The following REPS2 variants were observed in gnomAD, a reference collection of about 807,000 sequenced individuals.
The protein encoded by REPS2 is ralBP1-associated Eps domain-containing protein 2.
A neutral mutation model predicts 53.6 loss-of-function variants in REPS2; 23 were observed. That is an observed-to-expected ratio of 0.43 (90% CI 0.31 to 0.61). The LOEUF (loss-of-function observed/expected upper bound fraction) is 0.61. Among genes scored for constraint, REPS2 ranks in the 20% least tolerant of loss-of-function variants. The pLI is 0.11. For synonymous variants in REPS2, 238 were observed against 218.6 expected, an observed-to-expected ratio of 1.09 and a Z score of -0.78; for missense variants, 446 against 534.9, an observed-to-expected ratio of 0.83 and a Z score of 1.64.
chrX:16,978,455 A>G (rs1411999218), intron 1 of REPS2: 1 of 314,000 alleles, frequency 3.2e-6, no homozygotes, highest in Non-Finnish European at 4.2e-6. Context: ...AAATTCTGTC[A>G]GCCTTGGCTG....
At chrX:17,074,238 C>T in intron 12 of REPS2, 79 bp downstream of exon 12, 1 of 924,431 alleles carries the variant, frequency 1.1e-6, no homozygotes, top group Non-Finnish European at 1.6e-6. Flanking sequence ...AACCAAAACC[C>T]AACCCATGAT....
At chrX:17,014,163 C>A (rs1050938532) in intron 2 of REPS2, among the ~76,000 whole-genome samples, 1 of 111,513 alleles carries the variant, frequency 9.0e-6, no homozygotes, top group Non-Finnish European at 1.9e-5. Context: ...AGTGAAGAGC[C>A]CTTCTTCCAG....
At chrX:17,186,473 C>G in the REPS2 span, among the ~76,000 whole-genome samples, 2 of 111,986 alleles carry the variant, frequency 1.8e-5, no homozygotes, top group Admixed American at 1.9e-4. Flanking sequence ...AAAACTGAAG[C>G]CCGAAGTTAT....
rs185383573 is a variant in REPS2, at chrX:17,018,975, A to G, written c.398-3148A>G. On this transcript the variant is annotated intron_variant, in intron 2 of 17. Coordinates refer to ENST00000357277, the MANE Select transcript of REPS2 (RefSeq NM_004726.3). ...TGCCACCATGCCCAGCTGATTTTTT[A>G]TTTTTATTTTTTTAAGAGAAGGGGT... 4.6e-5 allele frequency among the ~76,000 whole-genome samples: 5 copies of G among 108,943 alleles called. No homozygotes were observed. In the East Asian group the frequency reaches 1.5e-3, roughly 32 times the overall value. The allele number at this position is 108,943 out of a possible 115,157, so 94.6% of individuals were successfully genotyped here. A position where few individuals can be genotyped will look rare whatever the true frequency, so the allele number is the denominator to read the frequency against.
At chrX:17,052,041 C>A (rs953884281) in intron 6 of REPS2, among the ~76,000 whole-genome samples, 2 of 112,191 alleles carry the variant, frequency 1.8e-5, no homozygotes, top group African/African-American at 6.5e-5. Flanking sequence ...TATTTGAAAT[C>A]TGCCAAATTT....
chrX:16,951,557 A>ACCCCCCCCCCCCC (rs1432722996), intron 1 of REPS2, among the ~76,000 whole-genome samples: 1 of 22,177 alleles, frequency 4.5e-5, no homozygotes, highest in Non-Finnish European at 1.3e-4. Flanking sequence ...ACACACACAC[A>ACCCCCCCCCCCCC]CACCCCCGCT....
intron 6 of REPS2, among the ~76,000 whole-genome samples, chrX:17,050,887 T>C (rs2061993307): frequency 8.9e-6 from 1 of 111,739 alleles, no homozygotes; most frequent in Non-Finnish European, 1.9e-5. Context: ...TTATTTAAAA[T>C]ATACAATTAA....
intron 14 of REPS2, among the ~76,000 whole-genome samples, chrX:17,131,479 C>G (rs1464273165): frequency 1.8e-5 from 2 of 111,476 alleles, no homozygotes; most frequent in Non-Finnish European, 3.8e-5. Flanking sequence ...ATGAAGTGGG[C>G]ATACTAAGTC....
intron 13 of REPS2, among the ~76,000 whole-genome samples, chrX:17,098,794 A>C (rs776054764): frequency 4.5e-5 from 5 of 111,741 alleles, no homozygotes; most frequent in Non-Finnish European, 9.4e-5. Context: ...GAATGGCTCC[A>C]AAAGTTGTCC....
intron 14 of REPS2, among the ~76,000 whole-genome samples, chrX:17,124,863 T>TC (rs1378456959): frequency 9.4e-6 from 1 of 106,561 alleles, no homozygotes; most frequent in East Asian, 2.9e-4. Flanking sequence ...CTTCTTTTTT[T>TC]TTTTTTTTTT....
intron 5 of REPS2, among the ~76,000 whole-genome samples, chrX:17,040,396 C>T (rs1186387804): frequency 2.7e-5 from 3 of 111,756 alleles, no homozygotes; most frequent in Admixed American, 9.5e-5. Context: ...AGAATTTTTT[C>T]GAATGTTTGT....
intron 2 of REPS2, among the ~76,000 whole-genome samples, chrX:17,007,439 T>C (rs1365683966): frequency 1.8e-5 from 2 of 112,228 alleles, no homozygotes; most frequent in Non-Finnish European, 3.8e-5. Context: ...ACAATCTCAG[T>C]GCCTCAACCA....
chrX:17,024,363 G>GTTTTTTTTTTTTTTTTTTTTTTTTT (rs900082438), intron 3 of REPS2, among the ~76,000 whole-genome samples: 1 of 71,691 alleles, frequency 1.4e-5, no homozygotes, highest in Non-Finnish European at 2.5e-5. Context: ...TACTAGTAAA[G>GTTTTTTTTTTTTTTTTTTTTTTTTT]TTTTTTTTTT....
intron 9 of REPS2, among the ~76,000 whole-genome samples, chrX:17,067,897 C>G (rs2062246519): frequency 1.8e-5 from 2 of 111,759 alleles, no homozygotes; most frequent in Non-Finnish European, 3.8e-5. Flanking sequence ...CATTTTTTTC[C>G]TCTGTGTATG....
At chrX:17,021,701 T>C (rs754140713) in intron 2 of REPS2, among the ~76,000 whole-genome samples, 1 of 112,744 alleles carries the variant, frequency 8.9e-6, no homozygotes, top group African/African-American at 3.2e-5. Flanking sequence ...AGTTTTATCA[T>C]ACAGAGTTGT....
chrX:17,022,039 T>G (rs1309114227), intron 2 of REPS2, 84 bp from the exon 3 acceptor site: 1 of 865,387 alleles, frequency 1.2e-6, no homozygotes, highest in African/African-American at 2.0e-5. Flanking sequence ...TCAAAAATGA[T>G]TCATCGTTTG....
At chrX:17,042,542 T>C (rs1269772509) in intron 5 of REPS2, among the ~76,000 whole-genome samples, 1 of 111,346 alleles carries the variant, frequency 9.0e-6, no homozygotes, top group Non-Finnish European at 1.9e-5. Flanking sequence ...ACTCATAGGC[T>C]TCCTTTCACA....
the REPS2 span, among the ~76,000 whole-genome samples, chrX:17,163,111 A>G: frequency 0.22 from 24,456 of 111,108 alleles, 2,571 homozygotes; most frequent in African/African-American, 0.41. Context: ...AAGGGAAACC[A>G]TATCTTAAAA....
chrX:17,135,145 G>T (rs1204148076), intron 15 of REPS2, 116 bp from the exon 16 acceptor site: 1 of 736,969 alleles, frequency 1.4e-6, no homozygotes, highest in Non-Finnish European at 2.0e-6. Context: ...TCAGTAAATA[G>T]AGTACCCTCC....
Sources: gnomAD v4.1 joint callset for allele counts (sites outside exome capture counted in the v4.1 genomes callset) on GRCh38, gnomAD v4.1.1 for gene constraint, MANE v1.5 for transcripts, NCBI Gene and HGNC (gene_info 2026-07-23, HGNC 2026-07-21) for gene names.